DIAPH1: variants seen among roughly 807,000 people sequenced by gnomAD.
DIAPH1 encodes protein diaphanous homolog 1.
A neutral mutation model predicts 140.7 loss-of-function variants in DIAPH1; 46 were observed. The ratio of observed to expected loss-of-function variants is 0.33; its 90% CI spans 0.26 to 0.42. The LOEUF (loss-of-function observed/expected upper bound fraction) is 0.42. DIAPH1 is among the 10% of genes least tolerant of loss of function. The pLI, the probability that DIAPH1 is intolerant of heterozygous loss-of-function variation, is 1.00. For missense variants in DIAPH1, 1,310 were observed against 1,558.7 expected, an observed-to-expected ratio of 0.84 and a Z score of 2.69; for synonymous variants, 565 against 551.6, an observed-to-expected ratio of 1.02 and a Z score of -0.34.
intron 18 of DIAPH1, among the ~76,000 whole-genome samples, chr5:141,539,698 G>A (rs1267415290): frequency 6.6e-6 from 1 of 151,950 alleles, no homozygotes; most frequent in Non-Finnish European, 1.5e-5. Flanking sequence ...ATTTCATCTG[G>A]GTTATCTAAT....
At chr5:141,525,004 G>A (rs1007030947) in intron 26 of DIAPH1, among the ~76,000 whole-genome samples, 3 of 152,086 alleles carry the variant, frequency 2.0e-5, no homozygotes, top group Non-Finnish European at 4.4e-5. Flanking sequence ...TGTTGACCGT[G>A]TGCAGCCCTC....
Position 141,571,358 on chromosome 5 carries a change from C to G in DIAPH1, c.2482+70G>C, listed in dbSNP as rs114161067. On this transcript the variant is annotated intron_variant, in intron 18 of 27. Coordinates refer to ENST00000389054, the MANE Select transcript of DIAPH1 (RefSeq NM_005219.5). The stretch of plus-strand genomic sequence containing the variant: ...GTCTCAGTTTTCTAATGAGAAATTC[C>G]TTTATATCTATTTCATCTTTTTCTC... 7.1e-4 allele frequency: 923 copies of G among 1,298,260 alleles called. 7 individuals carry two copies. In the African/African-American group the frequency reaches 0.012, roughly 17 times the overall value. The allele number at this position is 1,298,260 out of a possible 1,614,324, so 80.4% of individuals were successfully genotyped here. A position where few individuals can be genotyped will look rare whatever the true frequency, so the allele number is the denominator to read the frequency against.
Position 141,578,319 on chromosome 5 carries a change from C to G in DIAPH1, c.1069G>C (p.Asp357His), listed in dbSNP as rs1024157604. 6.2e-7 allele frequency: 1 copy of G among 1,613,922 alleles called. No individual in the cohort carries two copies. The highest frequency in any genetic ancestry group is 8.5e-7 in the Non-Finnish European group (1 of 1,179,888). ...LQDLREIENEDMRVQLNVFDE... is the reference protein window; with the variant it reads ...LQDLREIENEHMRVQLNVFDE... ...AACACATTTAGTTGCACTCTCATAT[C>G]TTCATTTTCAATCTCTCGAAGGTCC... The change falls in exon 11 of 28, where the codon GAT becomes CAT. Residue 357 changes from aspartate to histidine, a missense_variant. Asp to His is a moderately conservative substitution (Grantham distance 81). Coordinates refer to ENST00000389054, the MANE Select transcript of DIAPH1 (RefSeq NM_005219.5).
Position 141,573,879 on chromosome 5 carries a change from C to A in DIAPH1, c.1971G>T (p.Leu657Phe). 6.6e-7 allele frequency: 1 copy of A among 1,523,112 alleles called. No individual in the cohort carries two copies. The highest frequency in any genetic ancestry group is 8.8e-7 in the Non-Finnish European group (1 of 1,137,756). The allele number at this position is 1,523,112 out of a possible 1,614,324, so 94.3% of individuals were successfully genotyped here. The change falls in exon 16 of 28, where the codon TTG becomes TTT. Residue 657 changes from leucine (L) to phenylalanine (F), a missense_variant. Around this residue, in one of 3 missense-constraint regions of DIAPH1, gnomAD observed 589 missense variants for 549.3 expected, o/e 1.07. Coordinates refer to ENST00000389054, the MANE Select transcript of DIAPH1 (RefSeq NM_005219.5). ...GTGAAGGGATGCCAACACCCTCAGG[C>A]AAAGGAGGGGGTGGAGGGATGGTAG... ...GDATIPPPPPLPEGVGIPSPS... is the reference protein window; with the variant it reads ...GDATIPPPPPFPEGVGIPSPS...
At chr5:141,534,244 T>C (rs1379091681) in intron 19 of DIAPH1, 91 bp downstream of exon 19, 3 of 1,008,658 alleles carry the variant, frequency 3.0e-6, no homozygotes, top group Non-Finnish European at 4.7e-6. Flanking sequence ...CAATTAAAGT[T>C]CCATATCAAG....
In DIAPH1 at chr5:141,534,544, G is replaced by T. The variant is rs184685568; in HGVS notation, c.2483-111C>A. ...CCCCTCACTTCCTCTCTATTATAATGGTCTATTGTATTCCTTCAAAACTAA... is the reference window on the plus strand; with the variant it reads ...CCCCTCACTTCCTCTCTATTATAATTGTCTATTGTATTCCTTCAAAACTAA... On this transcript the variant is annotated intron_variant, in intron 18 of 27. Coordinates refer to ENST00000389054, the MANE Select transcript of DIAPH1 (RefSeq NM_005219.5). The T allele has an allele frequency of 2.9e-3, 2,378 of 826,746 alleles. 3 individuals are homozygous for T. Among genetic ancestry groups the T allele is most frequent in the Non-Finnish European group, 4.5e-3 (2,182 of 487,226 alleles). The allele number at this position is 826,746 out of a possible 1,614,324, so 51.2% of individuals were successfully genotyped here.
At chr5:141,616,934 T>C (rs963259458) in intron 1 of DIAPH1, among the ~76,000 whole-genome samples, 2 of 152,200 alleles carry the variant, frequency 1.3e-5, no homozygotes, top group Non-Finnish European at 2.9e-5. Flanking sequence ...GGGGTTGAGC[T>C]TCCTCAGGTT....
At chr5:141,580,232 T>C (rs1009781892) in intron 8 of DIAPH1, among the ~76,000 whole-genome samples, 7 of 152,192 alleles carry the variant, frequency 4.6e-5, no homozygotes, top group African/African-American at 1.4e-4. Context: ...ATTCCTCAGC[T>C]CTTAAGATAC....
At chr5:141,603,265 G>C (rs145474562) in intron 1 of DIAPH1, among the ~76,000 whole-genome samples, 168 of 152,306 alleles carry the variant, frequency 1.1e-3, no homozygotes, top group African/African-American at 4.0e-3. Flanking sequence ...CTAAGCACTG[G>C]AGAGTTAAAC....
rs928867941 is a variant in DIAPH1 at position 141,515,156 on chromosome 5, T to A, written c.*1695A>T. On this transcript the variant is annotated 3_prime_UTR_variant, in exon 28 of 28. Transcript: ENST00000389054. ...ACCTCTCTCTCTCTCTCTTTTTTTT[T>A]ATTAAATGCATCTTAGCAAAAGTAG... The A allele has an allele frequency of 5.2e-5, 8 of 152,590 alleles. No individual in the cohort carries two copies. The highest frequency in any genetic ancestry group is 9.7e-5 in the African/African-American group (4 of 41,426). The allele number at this position is 152,590 out of a possible 1,614,324, so 9.5% of individuals were successfully genotyped here.
intron 8 of DIAPH1, among the ~76,000 whole-genome samples, chr5:141,580,134 G>C (rs901635207): frequency 2.0e-5 from 3 of 152,158 alleles, no homozygotes; most frequent in Non-Finnish European, 4.4e-5. Flanking sequence ...AGGTTGAAAA[G>C]AATGATTTAG....
At chr5:141,526,001 TC>T in intron 26 of DIAPH1, 36 bp downstream of exon 26, 1 of 1,612,748 alleles carries the variant, frequency 6.2e-7, no homozygotes, top group Non-Finnish European at 8.5e-7. Flanking sequence ...TTCCCAACAT[TC>T]CTATCTCAGC....
At chr5:141,594,202 C>G (rs2099898942) in intron 1 of DIAPH1, among the ~76,000 whole-genome samples, 1 of 152,164 alleles carries the variant, frequency 6.6e-6, no homozygotes, top group Non-Finnish European at 1.5e-5. Flanking sequence ...AACATAAGAT[C>G]CAGCAATCAT....
chr5:141,526,378 G>A lies in DIAPH1; in HGVS notation c.3357C>T (p.Gly1119=), dbSNP rs1267459292. The change falls in exon 25 of 28, where the codon GGC becomes GGT. Residue 1119 remains glycine, a synonymous_variant. Transcript: ENST00000389054. ...SNMETLYKEL[G]EYFLFDPKKL... ...TCTTGGGGTCAAAGAGGAAGTACTC[G>A]CCCAGCTCCTTATAGAGGGTCTCCA... 6 of 1,613,922 alleles carry A rather than the reference G, an allele frequency of 3.7e-6. No individual in the cohort carries two copies. The highest frequency in any genetic ancestry group is 5.1e-6 in the Non-Finnish European group (6 of 1,180,004).
chr5:141,585,993 T>C (rs979608307), intron 3 of DIAPH1, among the ~76,000 whole-genome samples: 10 of 152,200 alleles, frequency 6.6e-5, no homozygotes, highest in African/African-American at 2.2e-4. Context: ...AATAGAAATA[T>C]CTGGCACTAC....
At chr5:141,614,755 C>T (rs1293435624) in intron 1 of DIAPH1, among the ~76,000 whole-genome samples, 1 of 151,780 alleles carries the variant, frequency 6.6e-6, no homozygotes. Context: ...ATCTCACTAA[C>T]GTTCCTGTAG....
chr5:141,554,613 AT>A (rs1203906532), intron 18 of DIAPH1, among the ~76,000 whole-genome samples: 3 of 152,348 alleles, frequency 2.0e-5, no homozygotes, highest in African/African-American at 4.8e-5. Flanking sequence ...TATCAAAAAA[AT>A]CATAGGTACT....
At position 141,579,196 on chromosome 5, in the gene DIAPH1, C is replaced by T. The variant is rs1562326443; in HGVS notation, c.825G>A (p.Met275Ile). The change falls in exon 9 of 28, where the codon ATG becomes ATA. Residue 275 changes from methionine (M) to isoleucine (I), a missense_variant and splice_region_variant. Transcript: ENST00000389054. The part of the protein sequence containing the change: ...ALCILPQPED[M>I]NERVLEAMTE... ...TCATTGCCTCCAAAACCCTTTCATT[C>T]CTGCCCAAGAGAAAGGAAACGGAGA... 2 of 1,612,920 alleles carry T rather than the reference C, an allele frequency of 1.2e-6. No individual in the cohort carries two copies. The highest frequency in any genetic ancestry group is 1.7e-5 in the Admixed American group (1 of 60,024).
chr5:141,530,050 C>T (rs2099887977), intron 19 of DIAPH1, among the ~76,000 whole-genome samples: 2 of 152,144 alleles, frequency 1.3e-5, no homozygotes, highest in African/African-American at 2.4e-5. Flanking sequence ...CACCACTGCA[C>T]TCCAGCCTGA....
Sources: gnomAD v4.1 joint callset for allele counts (sites outside exome capture counted in the v4.1 genomes callset) on GRCh38, gnomAD v4.1.1 for gene constraint, gnomAD v4.1.1 regional missense constraint, MANE v1.5 for transcripts, NCBI Gene and HGNC (gene_info 2026-07-23, HGNC 2026-07-21) for gene names.